The following P2RY8 variants were observed in gnomAD, a reference collection of about 807,000 sequenced individuals.
The protein encoded by P2RY8 is S-geranylgeranyl-glutathione receptor P2RY8.
A neutral mutation model predicts 10.0 loss-of-function variants in P2RY8; 6 were observed. The observed-to-expected ratio is 0.60, with a 90% CI of 0.33 to 1.19. The LOEUF is 1.19. P2RY8 is among the 50% of genes most tolerant of loss of function. The pLI, the probability that P2RY8 is intolerant of heterozygous loss-of-function variation, is 0.04. For synonymous variants in P2RY8, 276 were observed against 252.5 expected (o/e 1.09, Z -0.88); for missense variants, 456 against 542.0 (o/e 0.84, Z 1.58).
intron 1 of P2RY8, among the ~76,000 whole-genome samples, chrX:1,523,597 T>C (rs1862334842): frequency 2.0e-5 from 3 of 152,234 alleles, no homozygotes; most frequent in African/African-American, 7.2e-5. Context: ...TAAAAATGTA[T>C]TGGAAGTACA....
chrX:1,478,246 CGTATGTGTGTGTGT>C (rs2091897626), intron 1 of P2RY8, among the ~76,000 whole-genome samples: 1 of 141,168 alleles, frequency 7.1e-6, no homozygotes, highest in African/African-American at 2.8e-5. Flanking sequence ...TGCTGGCAGG[CGTATGTGTGTGTGT>C]GTGTGTGTGT....
intron 1 of P2RY8, among the ~76,000 whole-genome samples, chrX:1,495,136 T>C (rs2092103671): frequency 6.6e-6 from 1 of 152,086 alleles, no homozygotes; most frequent in African/African-American, 2.4e-5. Flanking sequence ...CGGAACTGAA[T>C]TGAACTCACA....
At chrX:1,502,333 G>C (rs541536729) in intron 1 of P2RY8, among the ~76,000 whole-genome samples, 1 of 152,242 alleles carries the variant, frequency 6.6e-6, no homozygotes, top group South Asian at 2.1e-4. Flanking sequence ...CCTCCCGGGG[G>C]GCAGGGGTGG....
At chrX:1,501,484 C>T (rs2092178506) in intron 1 of P2RY8, among the ~76,000 whole-genome samples, 1 of 152,154 alleles carries the variant, frequency 6.6e-6, no homozygotes. Flanking sequence ...ACCTCAGCCT[C>T]CTGAGCAGCT....
chrX:1,472,878 G>C (rs1316000016), intron 1 of P2RY8, among the ~76,000 whole-genome samples: 2 of 147,096 alleles, frequency 1.4e-5, no homozygotes, highest in African/African-American at 2.5e-5. Context: ...TGGATGAGTG[G>C]GTGGATGGGT....
intron 1 of P2RY8, among the ~76,000 whole-genome samples, chrX:1,532,542 A>C (rs1165372485): frequency 6.6e-6 from 1 of 151,540 alleles, no homozygotes; most frequent in Non-Finnish European, 1.5e-5. Context: ...ATATACATAT[A>C]CTTATGATGG....
In P2RY8 at chrX:1,518,151, C is replaced by A. The variant is rs190875120; in HGVS notation, c.-25+18770G>T. ...ATAAATAAAAATAATCTTGGCCGGG[C>A]GCGGTGGCTCACGCCCGTCATCTCA... is the stretch of plus-strand genomic sequence containing the variant. On this transcript the variant is annotated intron_variant, in intron 1 of 1. Transcript: ENST00000381297. 1.6e-4 allele frequency among the ~76,000 whole-genome samples: 24 copies of A among 150,608 alleles called. No homozygotes were observed. In the East Asian group the frequency reaches 3.1e-3, roughly 20 times the overall value.
At chrX:1,470,849 T>C (rs2091775633) in intron 1 of P2RY8, among the ~76,000 whole-genome samples, 1 of 150,918 alleles carries the variant, frequency 6.6e-6, no homozygotes, top group African/African-American at 2.4e-5. Context: ...TTTTTTTTTT[T>C]TTTTTGAGAT....
At chrX:1,484,137 T>C (rs1479837614) in intron 1 of P2RY8, among the ~76,000 whole-genome samples, 1 of 152,076 alleles carries the variant, frequency 6.6e-6, no homozygotes, top group Non-Finnish European at 1.5e-5. Flanking sequence ...TCAGGAAAGA[T>C]TTTCATCTTT....
intron 1 of P2RY8, among the ~76,000 whole-genome samples, chrX:1,536,339 G>C (rs2092526789): frequency 6.6e-6 from 1 of 151,392 alleles, no homozygotes; most frequent in Non-Finnish European, 1.5e-5. Context: ...TCTGCTCACT[G>C]CAAGCTCCAC....
intron 1 of P2RY8, among the ~76,000 whole-genome samples, chrX:1,520,094 T>G (rs1235293957): frequency 6.6e-6 from 1 of 151,308 alleles, no homozygotes; most frequent in East Asian, 2.0e-4. Context: ...AATTATCACC[T>G]TGGTCCCTAA....
intron 1 of P2RY8, among the ~76,000 whole-genome samples, chrX:1,523,047 C>CAACA (rs1402769155): frequency 6.9e-6 from 1 of 144,248 alleles, no homozygotes; most frequent in African/African-American, 2.6e-5. Flanking sequence ...CCAGCCTGGG[C>CAACA]GACAGAGAGA....
At chrX:1,496,761 G>A (rs2092120805) in intron 1 of P2RY8, among the ~76,000 whole-genome samples, 1 of 134,082 alleles carries the variant, frequency 7.5e-6, no homozygotes, top group South Asian at 2.2e-4. Context: ...GCAGTAGCGC[G>A]ATGTCGGCTC....
intron 1 of P2RY8, among the ~76,000 whole-genome samples, chrX:1,493,395 G>GGGAAGGAGGA (rs1569537364): frequency 1.8e-5 from 1 of 54,654 alleles, no homozygotes; most frequent in African/African-American, 5.9e-5. Flanking sequence ...GAGGGAGGGA[G>GGGAAGGAGGA]GGAAGGAGGA....
intron 1 of P2RY8, among the ~76,000 whole-genome samples, chrX:1,488,024 C>T (rs1220876188): frequency 1.3e-5 from 2 of 152,090 alleles, no homozygotes; most frequent in South Asian, 2.1e-4. Flanking sequence ...GCATGAGAAT[C>T]GCTTGAACCT....
intron 1 of P2RY8, among the ~76,000 whole-genome samples, chrX:1,524,413 C>G (rs5948935): frequency 0.13 from 2,115 of 16,474 alleles, 119 homozygotes; most frequent in African/African-American, 0.17. Flanking sequence ...ATGCATGCAT[C>G]CATCCATCCA....
At position 1,463,921 on chromosome X, in the gene P2RY8, C is replaced by T. The variant is rs2091624413; in HGVS notation, c.*1558G>A. The T allele has an allele frequency of 2.6e-5, 6 of 233,292 alleles. No individual in the cohort carries two copies. In the East Asian group the frequency reaches 3.6e-4, roughly 14 times the overall value. The allele number at this position is 233,292 out of a possible 1,614,324, so 14.5% of individuals were successfully genotyped here. A position where few individuals can be genotyped will look rare whatever the true frequency, so the allele number is the denominator to read the frequency against. Reference sequence around the variant, plus strand: ...CCTTACTTAATTACATTTGGAAAGACCCGATTTTCAAACATGGTCCCATCC... The same window carrying T: ...CCTTACTTAATTACATTTGGAAAGATCCGATTTTCAAACATGGTCCCATCC... On this transcript the variant is annotated 3_prime_UTR_variant, in exon 2 of 2. Coordinates refer to ENST00000381297, the MANE Select transcript of P2RY8 (RefSeq NM_178129.5).
chrX:1,512,628 A>G (rs1488153133), intron 1 of P2RY8, among the ~76,000 whole-genome samples: 1 of 151,844 alleles, frequency 6.6e-6, no homozygotes, highest in Non-Finnish European at 1.5e-5. Context: ...ACAGTTCCAC[A>G]TGGCTAGGGA....
At chrX:1,479,329 G>A (rs749350715) in intron 1 of P2RY8, among the ~76,000 whole-genome samples, 2 of 152,194 alleles carry the variant, frequency 1.3e-5, no homozygotes, top group South Asian at 2.1e-4. Context: ...CCACAGTGAG[G>A]GGATTTGGAT....
Sources: allele counts gnomAD v4.1 joint callset (sites outside exome capture counted in the v4.1 genomes callset), GRCh38; gene constraint gnomAD v4.1.1; transcripts MANE v1.5; gene names NCBI Gene and HGNC (gene_info 2026-07-23, HGNC 2026-07-21).